MACROD2: variants seen among roughly 807,000 people sequenced by gnomAD.
MACROD2 encodes ADP-ribose glycohydrolase MACROD2.
MACROD2 carries 36 observed loss-of-function variants against 70.4 expected under a neutral mutation model. The observed-to-expected ratio is 0.51, with a 90% CI of 0.39 to 0.68. MACROD2 has a LOEUF of 0.68. Ranked by LOEUF, MACROD2 falls within the 30% of genes least tolerant of loss-of-function variation. The pLI, the probability that MACROD2 is intolerant of heterozygous loss-of-function variation, is 0.00. For synonymous variants in MACROD2, 172 were observed against 178.8 expected (o/e 0.96, Z 0.30); for missense variants, 496 against 538.4 (o/e 0.92, Z 0.78).
intron 8 of MACROD2, among the ~76,000 whole-genome samples, chr20:15,585,601 A>G (rs2048588434): frequency 6.6e-6 from 1 of 152,184 alleles, no homozygotes; most frequent in Non-Finnish European, 1.5e-5. Flanking sequence ...AATATGGCAT[A>G]TAAATATCCA....
intron 5 of MACROD2, among the ~76,000 whole-genome samples, chr20:14,725,976 T>C (rs2071525395): frequency 6.6e-6 from 1 of 152,214 alleles, no homozygotes; most frequent in Non-Finnish European, 1.5e-5. Context: ...CCTGTTATCA[T>C]GTCCCTTACG....
rs76963685 is a variant in MACROD2, at chr20:15,579,522, T to C, written c.645+79675T>C. On this transcript the variant is annotated intron_variant, in intron 8 of 17. Coordinates refer to ENST00000684519, the MANE Select transcript of MACROD2 (RefSeq NM_001351661.2). ...GCATTTCATATGGTGAAGCTTGCTG[T>C]TTGGTACAGCTTTAACTGCCAAACT... 9.6e-3 allele frequency among the ~76,000 whole-genome samples: 1,460 copies of C among 152,264 alleles called. 24 individuals carry two copies. The highest frequency in any genetic ancestry group is 0.033 in the African/African-American group (1,352 of 41,562).
intron 7 of MACROD2, among the ~76,000 whole-genome samples, chr20:15,452,159 A>G (rs1355011954): frequency 6.6e-6 from 1 of 152,178 alleles, no homozygotes; most frequent in Non-Finnish European, 1.5e-5. Flanking sequence ...TTCTTTGTTC[A>G]ACATAAAACC....
chr20:14,829,128 A>ATTTTT (rs71190150), intron 5 of MACROD2, among the ~76,000 whole-genome samples: 1 of 110,368 alleles, frequency 9.1e-6, no homozygotes, highest in African/African-American at 3.5e-5. Flanking sequence ...TTGCAGAACT[A>ATTTTT]TTTTTTTTTT....
intron 8 of MACROD2, among the ~76,000 whole-genome samples, chr20:15,518,046 A>C (rs117592338): frequency 6.6e-6 from 1 of 152,280 alleles, no homozygotes; most frequent in Non-Finnish European, 1.5e-5. Flanking sequence ...GGCATCTGCC[A>C]TAAAGCTAGA....
At chr20:14,506,975 C>A (rs567474521) in intron 4 of MACROD2, among the ~76,000 whole-genome samples, 39 of 152,052 alleles carry the variant, frequency 2.6e-4, no homozygotes, top group African/African-American at 8.4e-4. Context: ...TAATAATAAT[C>A]GTGTTCCAGA....
intron 3 of MACROD2, among the ~76,000 whole-genome samples, chr20:14,401,033 A>G (rs1167853320): frequency 1.3e-5 from 2 of 152,214 alleles, no homozygotes; most frequent in Non-Finnish European, 2.9e-5. Context: ...GACTTGGTTG[A>G]AGTGGCTGGT....
chr20:15,124,220 A>G lies in MACROD2; in HGVS notation c.419-105720A>G, dbSNP rs975491147. Among the ~76,000 whole-genome samples, 4 of 139,498 alleles carry G rather than the reference A, an allele frequency of 2.9e-5. No individual in the cohort carries two copies. The South Asian group carries it at 6.7e-4, about 23-fold the overall frequency. 91.5% of individuals were successfully genotyped at this position (139,498 alleles called of 152,430 possible). On this transcript the variant is annotated intron_variant, in intron 5 of 17. Coordinates refer to ENST00000684519, the MANE Select transcript of MACROD2 (RefSeq NM_001351661.2). Reference sequence around the variant, plus strand: ...GCAGTGAAGAATGAAAAAGAAAACTATCCAGTCAAAAGAAGTAATTTTAAA... The same window carrying G: ...GCAGTGAAGAATGAAAAAGAAAACTGTCCAGTCAAAAGAAGTAATTTTAAA...
chr20:15,787,488 C>T lies in MACROD2; in HGVS notation c.646-75257C>T, dbSNP rs532310009. Among the ~76,000 whole-genome samples the T allele has an allele frequency of 3.9e-5, 6 of 152,102 alleles. No homozygotes were observed. In the South Asian group the frequency reaches 1.2e-3, roughly 32 times the overall value. On this transcript the variant is annotated intron_variant, in intron 8 of 17. Coordinates refer to ENST00000684519, the MANE Select transcript of MACROD2 (RefSeq NM_001351661.2). Reference sequence around the variant, plus strand: ...CCTCCATCCCCCAGTAGGAGTCCCCCGTGGCTGTTGTTCCTATCTTTATGT... The same window carrying T: ...CCTCCATCCCCCAGTAGGAGTCCCCTGTGGCTGTTGTTCCTATCTTTATGT...
chr20:14,828,590 A>G (rs928043057), intron 5 of MACROD2, among the ~76,000 whole-genome samples: 1 of 152,080 alleles, frequency 6.6e-6, no homozygotes, highest in Admixed American at 6.6e-5. Flanking sequence ...GTGGAGACTA[A>G]TCTGAAATAA....
chr20:15,700,777 C>T (rs1030383141), intron 8 of MACROD2, among the ~76,000 whole-genome samples: 2 of 152,126 alleles, frequency 1.3e-5, no homozygotes, highest in African/African-American at 4.8e-5. Flanking sequence ...TATTAATACC[C>T]AGAGCTAGAC....
rs895609006 is a variant in MACROD2, at chr20:15,070,521, G to A, written c.419-159419G>A. On this transcript the variant is annotated intron_variant, in intron 5 of 17. Coordinates refer to ENST00000684519, the MANE Select transcript of MACROD2 (RefSeq NM_001351661.2). Reference sequence around the variant, plus strand: ...AATTTTGGAGGCAAGGTCTAGTGGGGAGTGTTTAGCTCTTAGGGAGCAGAT... The same window carrying A: ...AATTTTGGAGGCAAGGTCTAGTGGGAAGTGTTTAGCTCTTAGGGAGCAGAT... 1.1e-4 allele frequency among the ~76,000 whole-genome samples: 17 copies of A among 152,118 alleles called. 1 individual carries two copies. The highest frequency in any genetic ancestry group is 2.1e-4 in the South Asian group (1 of 4,830).
chr20:14,172,261 ATAGT>A (rs1193355168), intron 3 of MACROD2, among the ~76,000 whole-genome samples: 1 of 147,968 alleles, frequency 6.8e-6, no homozygotes, highest in Non-Finnish European at 1.5e-5. Context: ...AAGACAGCAG[ATAGT>A]TAGTTGGTGA....
At chr20:14,137,795 A>T (rs192631468) in intron 3 of MACROD2, among the ~76,000 whole-genome samples, 1 of 152,338 alleles carries the variant, frequency 6.6e-6, no homozygotes, top group Non-Finnish European at 1.5e-5. Flanking sequence ...ACTACACTAA[A>T]CTAATAGGTT....
chr20:15,684,276 G>A (rs188482198), intron 8 of MACROD2, among the ~76,000 whole-genome samples: 6 of 152,298 alleles, frequency 3.9e-5, no homozygotes, highest in African/African-American at 1.4e-4. Flanking sequence ...TGAATGGCAG[G>A]GATCAGCCGG....
intron 3 of MACROD2, among the ~76,000 whole-genome samples, chr20:14,236,372 T>G (rs1298797201): frequency 6.6e-6 from 1 of 152,092 alleles, no homozygotes; most frequent in Non-Finnish European, 1.5e-5. Context: ...AACGCTTTCA[T>G]GATCTTTGCT....
chr20:15,367,136 T>A (rs991646739), intron 6 of MACROD2, among the ~76,000 whole-genome samples: 7 of 151,708 alleles, frequency 4.6e-5, no homozygotes, highest in Admixed American at 1.3e-4. Context: ...CAAGTGATTC[T>A]CCTGCCACAG....
At chr20:14,972,747 T>A (rs1286019053) in intron 5 of MACROD2, among the ~76,000 whole-genome samples, 1 of 152,156 alleles carries the variant, frequency 6.6e-6, no homozygotes, top group African/African-American at 2.4e-5. Flanking sequence ...GCTTACAATT[T>A]CCATCTTACT....
rs577513859 is a variant in MACROD2, at chr20:16,003,658, G to A, written c.1153+16500G>A. Among the ~76,000 whole-genome samples the A allele has an allele frequency of 3.3e-5, 5 of 152,152 alleles. No individual in the cohort carries two copies. The East Asian group carries it at 9.7e-4, about 29-fold the overall frequency. ...TTTCTGGTTTAGTAGATCTGGAGAT[G>A]GCAGGAGTCAAAATGTTGCTTTTTC... On this transcript the variant is annotated intron_variant, in intron 15 of 17. Coordinates refer to ENST00000684519, the MANE Select transcript of MACROD2 (RefSeq NM_001351661.2).
Sources: allele counts gnomAD v4.1 joint callset (sites outside exome capture counted in the v4.1 genomes callset), GRCh38; gene constraint gnomAD v4.1.1; transcripts MANE v1.5; gene names NCBI Gene and HGNC (gene_info 2026-07-23, HGNC 2026-07-21).